Variants in SLC10A7 observed in about 807,000 individuals in gnomAD.
SLC10A7 encodes solute carrier family 10 member 7.
Under a neutral mutation model 43.2 loss-of-function variants are expected in SLC10A7, and 29 were observed. The observed-to-expected ratio is 0.67, with a 90% CI of 0.50 to 0.92. SLC10A7 has a LOEUF of 0.92. SLC10A7 is among the 40% of genes least tolerant of loss of function. The probability of loss-of-function intolerance (pLI) is 0.00; values close to 1 mark genes in which losing one functional copy is unlikely to be tolerated. For synonymous variants in SLC10A7, 152 were observed against 144.8 expected, an observed-to-expected ratio of 1.05 and a Z score of -0.35; for missense variants, 295 against 403.2, an observed-to-expected ratio of 0.73 and a Z score of 2.30.
At chr4:146,382,422 G>A (rs1333172554) in intron 5 of SLC10A7, among the ~76,000 whole-genome samples, 1 of 152,098 alleles carries the variant, frequency 6.6e-6, no homozygotes, top group Non-Finnish European at 1.5e-5. Flanking sequence ...CCCAGGGGCT[G>A]GGAGAAGGGA....
At chr4:146,405,775 A>T (rs1186596720) in intron 5 of SLC10A7, among the ~76,000 whole-genome samples, 1 of 152,156 alleles carries the variant, frequency 6.6e-6, no homozygotes, top group African/African-American at 2.4e-5. Flanking sequence ...TAATTATTTT[A>T]ACTAACTCTT....
intron 3 of SLC10A7, among the ~76,000 whole-genome samples, chr4:146,508,794 A>C (rs942055924): frequency 1.9e-4 from 29 of 152,330 alleles, no homozygotes; most frequent in African/African-American, 6.3e-4. Flanking sequence ...TTGCAAACAT[A>C]AATCAGACCA....
At chr4:146,362,403 A>G (rs894644312) in intron 5 of SLC10A7, among the ~76,000 whole-genome samples, 10 of 152,146 alleles carry the variant, frequency 6.6e-5, no homozygotes, top group African/African-American at 2.4e-4. Flanking sequence ...CTGGCAGCAG[A>G]CTTCTCCATG....
At chr4:146,488,034 T>G (rs1735069838) in intron 4 of SLC10A7, among the ~76,000 whole-genome samples, 1 of 151,762 alleles carries the variant, frequency 6.6e-6, no homozygotes, top group African/African-American at 2.4e-5. Flanking sequence ...GAAAAAAAAT[T>G]TTTTTAATTA....
chr4:146,370,334 C>T (rs1011257350), intron 5 of SLC10A7, among the ~76,000 whole-genome samples: 1 of 152,284 alleles, frequency 6.6e-6, no homozygotes, highest in African/African-American at 2.4e-5. Context: ...TCTCATTTGG[C>T]CATCTTTCTC....
At chr4:146,320,940 T>G (rs190019589) in intron 6 of SLC10A7, among the ~76,000 whole-genome samples, 55 of 152,126 alleles carry the variant, frequency 3.6e-4, no homozygotes, top group Non-Finnish European at 3.7e-4. Flanking sequence ...GAAACATGAA[T>G]CAGAGGACAG....
intron 4 of SLC10A7, among the ~76,000 whole-genome samples, chr4:146,468,621 C>A (rs1733269126): frequency 6.6e-6 from 1 of 151,966 alleles, no homozygotes; most frequent in Non-Finnish European, 1.5e-5. Flanking sequence ...AGATGTGCAC[C>A]ACCACACCCG....
chr4:146,263,345 CA>C (rs1486284069), intron 10 of SLC10A7, among the ~76,000 whole-genome samples: 8 of 152,184 alleles, frequency 5.3e-5, no homozygotes, highest in African/African-American at 1.9e-4. Context: ...GGGTCAGCAA[CA>C]GTTTCTTCTT....
At chr4:146,256,647 C>A in intron 11 of SLC10A7, 127 bp from the exon 12 acceptor site, 1 of 1,111,736 alleles carries the variant, frequency 9.0e-7, no homozygotes, top group South Asian at 1.3e-5. Context: ...ATCATATAAC[C>A]AATAATCCAA....
chr4:146,351,042 G>A (rs925391796), intron 5 of SLC10A7, among the ~76,000 whole-genome samples: 56 of 151,442 alleles, frequency 3.7e-4, no homozygotes, highest in Non-Finnish European at 6.9e-4. Flanking sequence ...GAATGATTTT[G>A]ACGAGCTGAG....
intron 5 of SLC10A7, among the ~76,000 whole-genome samples, chr4:146,384,269 A>G (rs2248826): frequency 0.012 from 1,761 of 152,252 alleles, 27 homozygotes; most frequent in African/African-American, 0.04. Context: ...ATAATGCCTA[A>G]AAGCCATAAA....
chr4:146,383,346 C>T (rs942274670), intron 5 of SLC10A7, among the ~76,000 whole-genome samples: 7 of 152,066 alleles, frequency 4.6e-5, no homozygotes, highest in African/African-American at 1.4e-4. Context: ...GGGGGAAAAC[C>T]GCGGCTTTCT....
intron 6 of SLC10A7, among the ~76,000 whole-genome samples, chr4:146,321,878 A>G (rs1732731564): frequency 6.6e-6 from 1 of 152,212 alleles, no homozygotes; most frequent in Non-Finnish European, 1.5e-5. Flanking sequence ...TGTTTATAAA[A>G]TGCATGACAA....
intron 6 of SLC10A7, among the ~76,000 whole-genome samples, chr4:146,323,821 A>G (rs1035885779): frequency 3.3e-5 from 5 of 152,176 alleles, no homozygotes; most frequent in African/African-American, 1.2e-4. Context: ...AGTTCTGGCC[A>G]GGGCAATCAG....
intron 10 of SLC10A7, among the ~76,000 whole-genome samples, chr4:146,260,363 G>C (rs773482630): frequency 1.3e-5 from 2 of 152,188 alleles, no homozygotes; most frequent in African/African-American, 4.8e-5. Context: ...GACATTGGGG[G>C]ATGGGAGTGG....
intron 4 of SLC10A7, among the ~76,000 whole-genome samples, chr4:146,485,495 G>C (rs1734832707): frequency 6.6e-6 from 1 of 152,196 alleles, no homozygotes; most frequent in Non-Finnish European, 1.5e-5. Flanking sequence ...ATTCCTCAGG[G>C]AGTCCCAGTA....
intron 5 of SLC10A7, among the ~76,000 whole-genome samples, chr4:146,383,268 GA>G (rs1457512797): frequency 1.3e-5 from 2 of 152,118 alleles, no homozygotes; most frequent in African/African-American, 4.8e-5. Context: ...AACTCCCTAT[GA>G]GACAGTGAAG....
chr4:146,508,936 T>A (rs1281115713), intron 3 of SLC10A7, among the ~76,000 whole-genome samples: 4 of 152,202 alleles, frequency 2.6e-5, no homozygotes, highest in Non-Finnish European at 2.9e-5. Flanking sequence ...GGACATGGTA[T>A]TTTTCCTCTA....
intron 10 of SLC10A7, among the ~76,000 whole-genome samples, chr4:146,281,234 G>GA (rs763046920): frequency 6.6e-6 from 1 of 152,070 alleles, no homozygotes; most frequent in Non-Finnish European, 1.5e-5. Flanking sequence ...TCTGCTTATA[G>GA]AAAAGCACAC....
Sources: allele counts gnomAD v4.1 joint callset (sites outside exome capture counted in the v4.1 genomes callset), GRCh38; gene constraint gnomAD v4.1.1; transcripts MANE v1.5; gene names NCBI Gene and HGNC (gene_info 2026-07-23, HGNC 2026-07-21).